The following JAM3 variants were observed in gnomAD, a reference collection of about 807,000 sequenced individuals.
JAM3 encodes the protein junctional adhesion molecule C.
JAM3 carries 31 observed loss-of-function variants against 39.4 expected under a neutral mutation model. That is an observed-to-expected ratio of 0.79 (90% CI 0.59 to 1.06). The LOEUF (loss-of-function observed/expected upper bound fraction) is 1.06. JAM3 is among the 50% of genes least tolerant of loss of function. The pLI is 0.00. For missense variants in JAM3, 455 were observed against 391.4 expected, an observed-to-expected ratio of 1.16 and a Z score of -1.37; for synonymous variants, 182 against 148.7, an observed-to-expected ratio of 1.22 and a Z score of -1.63.
intron 1 of JAM3, among the ~76,000 whole-genome samples, chr11:134,102,121 C>T (rs1389682722): frequency 2.6e-5 from 4 of 152,138 alleles, no homozygotes; most frequent in Non-Finnish European, 4.4e-5. Context: ...TTAGACATTT[C>T]ATAGATGAGA....
In JAM3 at chr11:134,149,704, G is replaced by A. The variant is rs1229974602; in HGVS notation, c.*523G>A. 1.8e-5 allele frequency: 8 copies of A among 455,952 alleles called. No individual in the cohort carries two copies. Among genetic ancestry groups the A allele is most frequent in the South Asian group, 4.7e-5 (3 of 64,434 alleles). 28.2% of individuals were successfully genotyped at this position (455,952 alleles called of 1,614,324 possible). On this transcript the variant is annotated 3_prime_UTR_variant, in exon 9 of 9. Transcript: ENST00000299106. ...TTTCTTCTTAAAGGCTCTGCTGATC[G>A]GTGTTGCAGTGTCCATTGTGGAGAA...
At chr11:134,082,402 A>G (rs1343130433) in intron 1 of JAM3, among the ~76,000 whole-genome samples, 2 of 152,044 alleles carry the variant, frequency 1.3e-5, no homozygotes, top group South Asian at 2.1e-4. Context: ...GTGGAATGAT[A>G]TGGTTTGGCT....
At chr11:134,110,182 G>A (rs1372052237) in intron 1 of JAM3, among the ~76,000 whole-genome samples, 1 of 152,148 alleles carries the variant, frequency 6.6e-6, no homozygotes, top group African/African-American at 2.4e-5. Flanking sequence ...GTTGGTGAGG[G>A]TATCAAAAAC....
intron 1 of JAM3, among the ~76,000 whole-genome samples, chr11:134,107,610 G>A (rs148585437): frequency 1.2e-4 from 18 of 152,170 alleles, no homozygotes; most frequent in East Asian, 9.6e-4. Context: ...ACCTATATTC[G>A]AAAAGAAGAA....
chr11:134,116,586 A>G (rs542758519), intron 1 of JAM3, among the ~76,000 whole-genome samples: 2 of 152,220 alleles, frequency 1.3e-5, no homozygotes, highest in Admixed American at 1.3e-4. Flanking sequence ...GCTCTCTGAC[A>G]CTACAGGGTG....
At chr11:134,098,686 A>G (rs1031345693) in intron 1 of JAM3, among the ~76,000 whole-genome samples, 1 of 152,060 alleles carries the variant, frequency 6.6e-6, no homozygotes, top group African/African-American at 2.4e-5. Context: ...AAATAGCAGC[A>G]TTGTATCTTC....
intron 3 of JAM3, 114 bp downstream of exon 3, chr11:134,140,884 C>T (rs974091792): frequency 5.4e-6 from 7 of 1,303,158 alleles, no homozygotes; most frequent in African/African-American, 1.6e-5. Flanking sequence ...TAGCTAGGAC[C>T]GTTTTTTTTT....
intron 5 of JAM3, 40 bp from the exon 6 acceptor site, chr11:134,145,906 A>G (rs1943062442): frequency 7.0e-7 from 1 of 1,422,296 alleles, no homozygotes; most frequent in Non-Finnish European, 9.9e-7. Flanking sequence ...AATCGGCCCC[A>G]TGATGGGTCC....
At chr11:134,132,586 A>G (rs898955631) in intron 1 of JAM3, among the ~76,000 whole-genome samples, 3 of 152,212 alleles carry the variant, frequency 2.0e-5, no homozygotes, top group Admixed American at 1.3e-4. Flanking sequence ...CAGGTCAGTT[A>G]TGTCCTGATT....
chr11:134,129,075 T>C (rs1942711019), intron 1 of JAM3, among the ~76,000 whole-genome samples: 1 of 151,912 alleles, frequency 6.6e-6, no homozygotes, highest in Admixed American at 6.6e-5. Flanking sequence ...TGTGTCCTCA[T>C]ATTATCTTTC....
intron 1 of JAM3, among the ~76,000 whole-genome samples, chr11:134,095,687 A>C (rs1214860322): frequency 6.6e-6 from 1 of 152,144 alleles, no homozygotes; most frequent in African/African-American, 2.4e-5. Context: ...TCAAATAGAA[A>C]CAAAAGAGTC....
rs776699779 is a variant in JAM3, at chr11:134,146,039, G to A, written c.706G>A (p.Glu236Lys). Reference sequence around the variant, plus strand: ...AGCCAGGTGTGAGGAGCAGGAGATGGAAGTCTGTGAGTTTCTTTTTTGAAG... The same window carrying A: ...AGCCAGGTGTGAGGAGCAGGAGATGAAAGTCTGTGAGTTTCTTTTTTGAAG... Reference protein sequence around the residue: ...GSARCEEQEMEVYDLNIGGII... With the variant: ...GSARCEEQEMKVYDLNIGGII... The change falls in exon 6 of 9, where the codon GAA becomes AAA. Residue 236 changes from glutamate to lysine, a missense_variant. Glu to Lys is a moderately conservative substitution (Grantham distance 56). Transcript: ENST00000299106. The A allele has an allele frequency of 6.2e-7, 1 of 1,610,752 alleles. No individual in the cohort carries two copies. The highest frequency in any genetic ancestry group is 1.1e-5 in the South Asian group (1 of 91,024).
intron 1 of JAM3, among the ~76,000 whole-genome samples, chr11:134,105,055 G>A (rs1287384467): frequency 6.6e-5 from 10 of 152,074 alleles, no homozygotes; most frequent in Non-Finnish European, 1.5e-4. Flanking sequence ...CACAAAAAAA[G>A]AGAATTTTAG....
At chr11:134,145,550 A>C (rs1424302345) in intron 5 of JAM3, 15 of 327,862 alleles carry the variant, frequency 4.6e-5, no homozygotes, top group Non-Finnish European at 2.9e-5. Context: ...CTTTTACTGC[A>C]TGTGGTTCTC....
intron 1 of JAM3, among the ~76,000 whole-genome samples, chr11:134,090,677 G>A (rs1248518497): frequency 6.6e-6 from 1 of 152,042 alleles, no homozygotes; most frequent in Non-Finnish European, 1.5e-5. Context: ...AGTGTTGTCT[G>A]GTTAGCAGAA....
chr11:134,149,707 G>T lies in JAM3; in HGVS notation c.*526G>T, dbSNP rs1356149243. 4.4e-6 allele frequency: 2 copies of T among 456,162 alleles called. No individual in the cohort carries two copies. The highest frequency in any genetic ancestry group is 2.4e-5 in the Admixed American group (1 of 42,496). The allele number at this position is 456,162 out of a possible 1,614,324, so 28.3% of individuals were successfully genotyped here. ...CTTCTTAAAGGCTCTGCTGATCGGT[G>T]TTGCAGTGTCCATTGTGGAGAAGCT... On this transcript the variant is annotated 3_prime_UTR_variant, in exon 9 of 9. Transcript: ENST00000299106.
chr11:134,118,642 C>G (rs1344516809), intron 1 of JAM3, among the ~76,000 whole-genome samples: 1 of 152,196 alleles, frequency 6.6e-6, no homozygotes, highest in Non-Finnish European at 1.5e-5. Flanking sequence ...TTCCTCCTCT[C>G]TCCCTGCCAC....
intron 1 of JAM3, among the ~76,000 whole-genome samples, chr11:134,117,598 C>CAT (rs1289217573): frequency 6.6e-6 from 1 of 152,170 alleles, no homozygotes; most frequent in African/African-American, 2.4e-5. Context: ...TATTTTATAG[C>CAT]ATATTTATTT....
chr11:134,127,715 T>G (rs1344518525), intron 1 of JAM3, among the ~76,000 whole-genome samples: 1 of 152,170 alleles, frequency 6.6e-6, no homozygotes, highest in Non-Finnish European at 1.5e-5. Flanking sequence ...AAAATAAAAC[T>G]TGATGCCTTT....
Sources: allele counts gnomAD v4.1 joint callset (sites outside exome capture counted in the v4.1 genomes callset), GRCh38; gene constraint gnomAD v4.1.1; transcripts MANE v1.5; gene names NCBI Gene and HGNC (gene_info 2026-07-23, HGNC 2026-07-21).